Variants in PGBD5 observed in about 807,000 individuals in gnomAD.
PGBD5 encodes the protein piggyBac transposable element derived 5.
In PGBD5, 14 loss-of-function variants were observed where a neutral mutation model predicts 47.9. The observed-to-expected ratio is 0.29, with a 90% CI of 0.19 to 0.46. PGBD5 has a LOEUF of 0.46. Ranked by LOEUF, PGBD5 falls within the 20% of genes least tolerant of loss-of-function variation. The pLI, the probability that PGBD5 is intolerant of heterozygous loss-of-function variation, is 1.00. For missense variants in PGBD5, 635 were observed against 716.0 expected (o/e 0.89, Z 1.29); for synonymous variants, 316 against 306.3 (o/e 1.03, Z -0.33).
In PGBD5 at chr1:230,318,858, G is replaced by A. The variant is rs1666987496; in HGVS notation, c.*4567C>T. On this transcript the variant is annotated 3_prime_UTR_variant, in exon 7 of 7. Coordinates refer to ENST00000391860, the MANE Select transcript of PGBD5 (RefSeq NM_001258311.2). ...CCCTGTCCAAATGCCCCCCAGAATA[G>A]TGGCTCCCTACCAGGCTAACTTCAG... is the stretch of plus-strand genomic sequence containing the variant. 1 of 152,280 alleles carries A rather than the reference G, an allele frequency of 6.6e-6. No individual in the cohort carries two copies. Among genetic ancestry groups the A allele is most frequent in the African/African-American group, 2.4e-5 (1 of 41,464 alleles). 9.4% of individuals were successfully genotyped at this position (152,280 alleles called of 1,614,324 possible).
At chr1:230,355,042 G>A (rs937131716) in intron 2 of PGBD5, among the ~76,000 whole-genome samples, 10 of 152,282 alleles carry the variant, frequency 6.6e-5, no homozygotes, top group South Asian at 4.1e-4. Flanking sequence ...CCCTGCTTCT[G>A]CAAGCCTCAT....
chr1:230,397,118 G>A (rs35745805), intron 1 of PGBD5, among the ~76,000 whole-genome samples: 11,020 of 152,222 alleles, frequency 0.072, 477 homozygotes, highest in African/African-American at 0.12. Flanking sequence ...AGACTCCACT[G>A]AGGCCTCCCA....
rs182722018 is a variant in PGBD5, at chr1:230,398,782, C to T, written c.331+26816G>A. The stretch of plus-strand genomic sequence containing the variant: ...TTTAGGGGGTGAAGATCTCGAGCAT[C>T]AGTGCATTGCTCTCAGTCCTCAGCA... On this transcript the variant is annotated intron_variant, in intron 1 of 6. Coordinates refer to ENST00000391860, the MANE Select transcript of PGBD5 (RefSeq NM_001258311.2). Among the ~76,000 whole-genome samples the T allele has an allele frequency of 1.2e-3, 183 of 152,088 alleles. 1 individual carries two copies. The highest frequency in any genetic ancestry group is 4.2e-3 in the African/African-American group (174 of 41,452).
chr1:230,329,475 A>G (rs1449089174), intron 5 of PGBD5, among the ~76,000 whole-genome samples: 1 of 152,244 alleles, frequency 6.6e-6, no homozygotes, highest in African/African-American at 2.4e-5. Flanking sequence ...GCTGAGAAGT[A>G]GTCTCTAGAA....
chr1:230,330,700 C>T (rs1667200450), intron 5 of PGBD5, among the ~76,000 whole-genome samples: 1 of 152,152 alleles, frequency 6.6e-6, no homozygotes, highest in South Asian at 2.1e-4. Flanking sequence ...GTGAACTTCC[C>T]TGGGAGTGCT....
intron 1 of PGBD5, among the ~76,000 whole-genome samples, chr1:230,403,616 C>T (rs1285637815): frequency 1.3e-5 from 2 of 152,252 alleles, no homozygotes; most frequent in African/African-American, 4.8e-5. Flanking sequence ...AGTGCTCCGC[C>T]TGGATTCCCA....
In PGBD5 at chr1:230,425,596, A is replaced by C; in HGVS notation, c.331+2T>G. On this transcript the variant is annotated splice_donor_variant, in intron 1 of 6. Coordinates refer to ENST00000391860, the MANE Select transcript of PGBD5 (RefSeq NM_001258311.2). LOFTEE classifies it high-confidence loss of function. This position sits in a 1 kb window ranked among gnomAD's most constrained non-coding sequence, Gnocchi z 4.7. ...GACATCCACCCGCGGGCAGCCCCTT[A>C]CCGCCGGTATCCTCGAAGCGCGGGG... The C allele has an allele frequency of 8.2e-7, 1 of 1,216,684 alleles. No individual in the cohort carries two copies. The highest frequency in any genetic ancestry group is 1.0e-6 in the Non-Finnish European group (1 of 978,848). The allele number at this position is 1,216,684 out of a possible 1,614,324, so 75.4% of individuals were successfully genotyped here.
intron 1 of PGBD5, among the ~76,000 whole-genome samples, chr1:230,422,160 A>C (rs998223051): frequency 6.6e-6 from 1 of 152,036 alleles, no homozygotes; most frequent in African/African-American, 2.4e-5. Flanking sequence ...TATGAAGTCT[A>C]ACCTCTAATA....
chr1:230,350,026 AG>A (rs1301530005), intron 3 of PGBD5, among the ~76,000 whole-genome samples: 2 of 152,130 alleles, frequency 1.3e-5, no homozygotes, highest in African/African-American at 4.8e-5. Flanking sequence ...GGATGTGGGG[AG>A]GAGATGTTCG....
intron 1 of PGBD5, among the ~76,000 whole-genome samples, chr1:230,395,310 T>C (rs928741929): frequency 5.2e-3 from 52 of 10,080 alleles, no homozygotes; most frequent in East Asian, 5.5e-3. Flanking sequence ...CACCCTCCTC[T>C]CCTCCTCTCC....
chr1:230,396,559 G>GCCCCCCCCCCCCCCCCC (rs61206058), intron 1 of PGBD5, among the ~76,000 whole-genome samples: 2 of 117,562 alleles, frequency 1.7e-5, no homozygotes, highest in African/African-American at 3.7e-5. Context: ...ACATTTTGTT[G>GCCCCCCCCCCCCCCCCC]CCCCCCCTCC....
chr1:230,405,020 C>G (rs925236151), intron 1 of PGBD5, among the ~76,000 whole-genome samples: 2 of 150,124 alleles, frequency 1.3e-5, no homozygotes, highest in African/African-American at 4.9e-5. Flanking sequence ...AGGTGAAACC[C>G]CGTCTCCACT....
intron 6 of PGBD5, among the ~76,000 whole-genome samples, chr1:230,324,376 C>T (rs1031829494): frequency 6.6e-6 from 1 of 152,184 alleles, no homozygotes; most frequent in African/African-American, 2.4e-5. Context: ...AGTAGGTGCT[C>T]AGTGAACTGA....
At chr1:230,408,592 G>A (rs185431404) in intron 1 of PGBD5, among the ~76,000 whole-genome samples, 33 of 152,202 alleles carry the variant, frequency 2.2e-4, no homozygotes, top group Middle Eastern at 3.4e-3. Flanking sequence ...TTGACCATAG[G>A]TGTCAAAATA....
chr1:230,332,328 G>C (rs944904573), intron 5 of PGBD5, among the ~76,000 whole-genome samples: 3 of 152,180 alleles, frequency 2.0e-5, no homozygotes, highest in Non-Finnish European at 4.4e-5. Flanking sequence ...TTCACTGTAC[G>C]GTACTTTAAG....
chr1:230,402,161 T>C (rs997242770), intron 1 of PGBD5, among the ~76,000 whole-genome samples: 1 of 152,248 alleles, frequency 6.6e-6, no homozygotes, highest in South Asian at 2.1e-4. Flanking sequence ...ACTAAGCATA[T>C]TCTGTAACCA....
In PGBD5 at chr1:230,341,940, T is replaced by G. The variant is rs374214074; in HGVS notation, c.895-4652A>C. 5.3e-5 allele frequency among the ~76,000 whole-genome samples: 8 copies of G among 152,330 alleles called. No homozygotes were observed. The South Asian group carries it at 8.3e-4, about 16-fold the overall frequency. ...GAAAGTAGGCATGCAAGTTTATTAC[T>G]ATATGGCATTATACTTTGCCCCAGG... is the stretch of plus-strand genomic sequence containing the variant. On this transcript the variant is annotated intron_variant, in intron 3 of 6. Transcript: ENST00000391860.
At chr1:230,346,913 A>G (rs1418013967) in intron 3 of PGBD5, among the ~76,000 whole-genome samples, 2 of 152,124 alleles carry the variant, frequency 1.3e-5, no homozygotes, top group Admixed American at 6.5e-5. Context: ...AGCTCACTCT[A>G]TGGTGGTGTG....
At chr1:230,422,691 G>C (rs1486948737) in intron 1 of PGBD5, among the ~76,000 whole-genome samples, 1 of 152,152 alleles carries the variant, frequency 6.6e-6, no homozygotes, top group Non-Finnish European at 1.5e-5. Context: ...CATAACTACT[G>C]GCCGCACTTC....
Sources: allele counts gnomAD v4.1 joint callset (sites outside exome capture counted in the v4.1 genomes callset), GRCh38; gene constraint gnomAD v4.1.1; non-coding constraint Gnocchi (gnomAD v3.1); transcripts MANE v1.5; gene names NCBI Gene and HGNC (gene_info 2026-07-23, HGNC 2026-07-21).